Variants in RANBP2 observed in about 807,000 individuals in gnomAD.
RANBP2 encodes RAN binding protein 2.
Under a neutral mutation model 303.6 loss-of-function variants are expected in RANBP2, and 57 were observed. The observed-to-expected ratio is 0.19, with a 90% CI of 0.15 to 0.23. The LOEUF is 0.23. Among genes scored for constraint, RANBP2 ranks in the 10% least tolerant of loss-of-function variants. RANBP2 has a pLI of 1.00. For synonymous variants in RANBP2, 1,167 were observed against 1,301.5 expected (o/e 0.90, Z 2.23); for missense variants, 3,138 against 3,780.8 (o/e 0.83, Z 4.46).
chr2:108,941,489 A>G, the RANBP2 span, among the ~76,000 whole-genome samples: 2 of 152,018 alleles, frequency 1.3e-5, no homozygotes, highest in Non-Finnish European at 2.9e-5. Flanking sequence ...GTTCCCTTTG[A>G]GGGGCTTCCT....
chr2:109,197,435 T>A, the RANBP2 span, among the ~76,000 whole-genome samples: 1 of 152,140 alleles, frequency 6.6e-6, no homozygotes, highest in Non-Finnish European at 1.5e-5. Context: ...TCTCTTATCT[T>A]GTTTCTTCAT....
the RANBP2 span, chr2:108,930,146 ACGGG>A: frequency 6.2e-7 from 1 of 1,613,928 alleles, no homozygotes; most frequent in Non-Finnish European, 8.5e-7. Context: ...CCCGGCCCAC[ACGGG>A]GGGCACTCCT....
the RANBP2 span, chr2:109,251,578 C>T: frequency 1.5e-5 from 13 of 879,154 alleles, no homozygotes; most frequent in Non-Finnish European, 2.5e-5. Flanking sequence ...GACTGGTGGG[C>T]AACAGAACAA....
chr2:109,679,133 G>C, the RANBP2 span, among the ~76,000 whole-genome samples: 4 of 152,288 alleles, frequency 2.6e-5, no homozygotes, highest in Middle Eastern at 3.4e-3. Context: ...TCTGCCTGGG[G>C]ACCACACTAA....
At chr2:109,136,415 C>T in the RANBP2 span, among the ~76,000 whole-genome samples, 1 of 152,066 alleles carries the variant, frequency 6.6e-6, no homozygotes, top group Admixed American at 6.5e-5. Context: ...AACAGGGTGT[C>T]GAGCTGAAGG....
chr2:108,930,521 C>T, the RANBP2 span, among the ~76,000 whole-genome samples: 1 of 152,158 alleles, frequency 6.6e-6, no homozygotes, highest in South Asian at 2.1e-4. Flanking sequence ...CTGAGTTCTC[C>T]TCATCAACGC....
At chr2:108,758,571 G>A (rs757003868) in intron 18 of RANBP2, 23 bp downstream of exon 18, 33 of 1,610,118 alleles carry the variant, frequency 2.0e-5, no homozygotes, top group Middle Eastern at 2.2e-4. Flanking sequence ...GTGGATAATC[G>A]CATATTTTAG....
the RANBP2 span, among the ~76,000 whole-genome samples, chr2:109,221,095 G>A: frequency 6.6e-5 from 10 of 152,220 alleles, no homozygotes; most frequent in African/African-American, 2.2e-4. Context: ...GTTATGACAC[G>A]TGCTGCATGG....
At chr2:108,752,472 T>G (rs1675964037) in intron 12 of RANBP2, among the ~76,000 whole-genome samples, 1 of 151,698 alleles carries the variant, frequency 6.6e-6, no homozygotes, top group Non-Finnish European at 1.5e-5. Flanking sequence ...ATTAGAAGCG[T>G]TTAAAAGTTG....
the RANBP2 span, among the ~76,000 whole-genome samples, chr2:109,461,287 T>C: frequency 6.6e-6 from 1 of 152,224 alleles, no homozygotes; most frequent in Admixed American, 6.5e-5. Context: ...GCATTTAGTC[T>C]CTACCAAGGC....
the RANBP2 span, among the ~76,000 whole-genome samples, chr2:109,248,385 T>C: frequency 6.6e-6 from 1 of 152,226 alleles, no homozygotes; most frequent in East Asian, 1.9e-4. Context: ...CTCTCATGAT[T>C]ATGTGTTATC....
At chr2:108,734,662 G>A (rs1236328898) in intron 4 of RANBP2, among the ~76,000 whole-genome samples, 1 of 152,014 alleles carries the variant, frequency 6.6e-6, no homozygotes, top group African/African-American at 2.4e-5. Context: ...TTGTCATGTG[G>A]TGGAGAAGTA....
the RANBP2 span, among the ~76,000 whole-genome samples, chr2:109,427,891 G>C: frequency 6.6e-6 from 1 of 152,262 alleles, no homozygotes; most frequent in African/African-American, 2.4e-5. Flanking sequence ...GCCATCCTGA[G>C]GCCATACCTG....
chr2:109,069,801 T>A, the RANBP2 span, among the ~76,000 whole-genome samples: 1 of 152,234 alleles, frequency 6.6e-6, no homozygotes, highest in African/African-American at 2.4e-5. Context: ...TTTAGTCTAT[T>A]CCTTCAACAA....
At chr2:109,553,773 G>C in the RANBP2 span, among the ~76,000 whole-genome samples, 138 of 151,736 alleles carry the variant, frequency 9.1e-4, no homozygotes, top group African/African-American at 3.3e-3. Flanking sequence ...AGAATTGCTT[G>C]AGCCTAGGAG....
At chr2:109,323,588 A>T in the RANBP2 span, among the ~76,000 whole-genome samples, 1 of 152,196 alleles carries the variant, frequency 6.6e-6, no homozygotes, top group African/African-American at 2.4e-5. Flanking sequence ...AACTCAGCTG[A>T]ATGTGCATCT....
At chr2:109,518,527 CAG>C in the RANBP2 span, among the ~76,000 whole-genome samples, 1 of 152,242 alleles carries the variant, frequency 6.6e-6, no homozygotes, top group East Asian at 1.9e-4. Context: ...GTAACTCCAA[CAG>C]GGGGCATCTG....
At chr2:109,499,825 TCAGA>T in the RANBP2 span, among the ~76,000 whole-genome samples, 1 of 152,030 alleles carries the variant, frequency 6.6e-6, no homozygotes, top group Non-Finnish European at 1.5e-5. Context: ...GTGAAAGTAG[TCAGA>T]CAGGTTTTAA....
the RANBP2 span, among the ~76,000 whole-genome samples, chr2:109,067,765 A>T: frequency 4.6e-5 from 7 of 152,112 alleles, no homozygotes; most frequent in Non-Finnish European, 7.4e-5. Context: ...GTCATCTTGG[A>T]TTCATTTCTC....
Sources: gnomAD v4.1 joint callset for allele counts (sites outside exome capture counted in the v4.1 genomes callset) on GRCh38, gnomAD v4.1.1 for gene constraint, MANE v1.5 for transcripts, NCBI Gene and HGNC (gene_info 2026-07-23, HGNC 2026-07-21) for gene names.